Variants in SLIT2 observed in about 807,000 individuals in gnomAD.
SLIT2 encodes slit homolog 2 protein.
Under a neutral mutation model 185.7 loss-of-function variants are expected in SLIT2, and 41 were observed. That is an observed-to-expected ratio of 0.22 (90% CI 0.17 to 0.29). The LOEUF (loss-of-function observed/expected upper bound fraction) is 0.29, where lower values mean the gene tolerates loss of function less well. SLIT2 is among the 10% of genes least tolerant of loss of function. The pLI is 1.00. For missense variants in SLIT2, 1,571 were observed against 1,909.0 expected (o/e 0.82, Z 3.30); for synonymous variants, 693 against 680.2 (o/e 1.02, Z -0.29).
intron 29 of SLIT2, among the ~76,000 whole-genome samples, chr4:20,588,555 C>G (rs1170917904): frequency 6.6e-6 from 1 of 151,964 alleles, no homozygotes; most frequent in Non-Finnish European, 1.5e-5. Context: ...GCATATAAAA[C>G]AATTCAAAAG....
chr4:20,393,414 G>A lies in SLIT2; in HGVS notation c.396-74338G>A, dbSNP rs1725603340. 2.0e-5 allele frequency: 3 copies of A among 152,086 alleles called. No homozygotes were observed. In the South Asian group the frequency reaches 6.2e-4, roughly 31 times the overall value. 9.4% of individuals were successfully genotyped at this position (152,086 alleles called of 1,614,324 possible). ...AGCATTCTCCGAATATGATAATGTG[G>A]TTATCTTCTGACGAGTGCTGGCATT... On this transcript the variant is annotated intron_variant, in intron 4 of 36. Transcript: ENST00000504154.
chr4:20,549,931 A>C (rs1403679660), intron 24 of SLIT2, among the ~76,000 whole-genome samples: 1 of 152,010 alleles, frequency 6.6e-6, no homozygotes, highest in Non-Finnish European at 1.5e-5. Flanking sequence ...TGAACATCCT[A>C]TACATTCCTC....
intron 24 of SLIT2, among the ~76,000 whole-genome samples, chr4:20,549,803 G>A (rs1723581961): frequency 6.6e-6 from 1 of 151,836 alleles, no homozygotes; most frequent in African/African-American, 2.4e-5. Flanking sequence ...TAACTCAACT[G>A]TTTAACTGGT....
At chr4:20,340,969 G>A (rs1048080540) in intron 4 of SLIT2, among the ~76,000 whole-genome samples, 1 of 152,142 alleles carries the variant, frequency 6.6e-6, no homozygotes, top group Non-Finnish European at 1.5e-5. Flanking sequence ...GGAATGAGGA[G>A]GGTAGGGATG....
intron 4 of SLIT2, among the ~76,000 whole-genome samples, chr4:20,359,425 A>G (rs1323758254): frequency 6.6e-6 from 1 of 152,130 alleles, no homozygotes; most frequent in African/African-American, 2.4e-5. Flanking sequence ...CACTTTGTTC[A>G]ATACAGAGAT....
intron 3 of SLIT2, among the ~76,000 whole-genome samples, chr4:20,258,363 T>C (rs1712082859): frequency 6.6e-6 from 1 of 151,806 alleles, no homozygotes; most frequent in African/African-American, 2.4e-5. Context: ...CAGTGACATT[T>C]GATGAAATAT....
At chr4:20,552,449 C>T (rs191520072) in intron 25 of SLIT2, 15 of 150,858 alleles carry the variant, frequency 9.9e-5, no homozygotes, top group Admixed American at 2.6e-4. Context: ...ATGTGCACAA[C>T]GTGCAGGTTT....
intron 9 of SLIT2, among the ~76,000 whole-genome samples, chr4:20,493,214 C>T (rs1447487692): frequency 6.6e-6 from 1 of 152,080 alleles, no homozygotes; most frequent in Non-Finnish European, 1.5e-5. Context: ...ATTAGAATAA[C>T]AGGATAATGT....
chr4:20,355,695 G>C (rs1279303168), intron 4 of SLIT2, among the ~76,000 whole-genome samples: 1 of 152,062 alleles, frequency 6.6e-6, no homozygotes, highest in Non-Finnish European at 1.5e-5. Context: ...ATAATTTTAA[G>C]TAAACCAAAA....
intron 4 of SLIT2, among the ~76,000 whole-genome samples, chr4:20,300,039 A>G (rs577724214): frequency 1.1e-4 from 16 of 152,148 alleles, no homozygotes; most frequent in Non-Finnish European, 1.9e-4. Flanking sequence ...AATATATGGA[A>G]CATTTTAATG....
At chr4:20,503,292 C>T (rs920336094) in intron 9 of SLIT2, among the ~76,000 whole-genome samples, 14 of 152,200 alleles carry the variant, frequency 9.2e-5, no homozygotes, top group Middle Eastern at 3.4e-3. Context: ...ATGAGAACTA[C>T]TGTCTGCTTA....
intron 1 of SLIT2, among the ~76,000 whole-genome samples, chr4:20,256,316 T>TTGGG (rs1553864836): frequency 6.7e-6 from 1 of 149,430 alleles, no homozygotes; most frequent in African/African-American, 2.5e-5. Context: ...ACTTTTTTTT[T>TTGGG]GGGGGGGGTG....
intron 4 of SLIT2, among the ~76,000 whole-genome samples, chr4:20,440,230 A>G (rs1330156782): frequency 6.6e-6 from 1 of 152,224 alleles, no homozygotes; most frequent in Non-Finnish European, 1.5e-5. Context: ...TTGGTACTAC[A>G]CTGTAGGGTT....
chr4:20,338,386 G>A (rs1720682729), intron 4 of SLIT2, among the ~76,000 whole-genome samples: 1 of 152,134 alleles, frequency 6.6e-6, no homozygotes, highest in Admixed American at 6.6e-5. Flanking sequence ...AAGCTGGTGA[G>A]ACAATCTGTC....
intron 4 of SLIT2, among the ~76,000 whole-genome samples, chr4:20,460,123 CA>C (rs1462592962): frequency 6.6e-6 from 1 of 152,038 alleles, no homozygotes; most frequent in Admixed American, 6.6e-5. Context: ...CTCAGCCTCC[CA>C]AAGGCTGAGA....
At chr4:20,328,950 A>G (rs899210957) in intron 4 of SLIT2, among the ~76,000 whole-genome samples, 1 of 152,066 alleles carries the variant, frequency 6.6e-6, no homozygotes, top group African/African-American at 2.4e-5. Flanking sequence ...GAGAAGAGAA[A>G]GGCAGAAGAA....
chr4:20,458,182 A>C (rs1713303334), intron 4 of SLIT2, among the ~76,000 whole-genome samples: 1 of 152,024 alleles, frequency 6.6e-6, no homozygotes, highest in African/African-American at 2.4e-5. Flanking sequence ...AACACCAGTG[A>C]ACTGTACACT....
At position 20,528,860 on chromosome 4, in the gene SLIT2, A is replaced by G; in HGVS notation, c.1463-89A>G. The G allele has an allele frequency of 9.6e-7, 1 of 1,038,284 alleles. No individual in the cohort carries two copies. The highest frequency in any genetic ancestry group is 1.4e-6 in the Non-Finnish European group (1 of 712,304). 64.3% of individuals were successfully genotyped at this position (1,038,284 alleles called of 1,614,324 possible). A position where few individuals can be genotyped will look rare whatever the true frequency, so the allele number is the denominator to read the frequency against. Reference sequence around the variant, plus strand: ...AAGTTGTCTCCCTGCTACATAATCTATAGTTATCTTACTTTTTTCTTCCTA... The same window carrying G: ...AAGTTGTCTCCCTGCTACATAATCTGTAGTTATCTTACTTTTTTCTTCCTA... On this transcript the variant is annotated intron_variant, in intron 15 of 36. Transcript: ENST00000504154. The surrounding 1 kb of genome is among the most constrained non-coding windows in gnomAD (Gnocchi z 4.2).
rs555498393 is a variant in SLIT2, at chr4:20,499,555, T to G, written c.914+7656T>G. The stretch of plus-strand genomic sequence containing the variant: ...TCCAGGCTGGAGTGCAGTGGCACCT[T>G]CTTGGCTTACTGCAAGGTCCGCCTC... On this transcript the variant is annotated intron_variant, in intron 9 of 36. Transcript: ENST00000504154. 6.6e-5 allele frequency among the ~76,000 whole-genome samples: 10 copies of G among 152,306 alleles called. 1 individual carries two copies. In the South Asian group the frequency reaches 1.9e-3, roughly 28 times the overall value.
Sources: allele counts gnomAD v4.1 joint callset (sites outside exome capture counted in the v4.1 genomes callset), GRCh38; gene constraint gnomAD v4.1.1; non-coding constraint Gnocchi (gnomAD v3.1); transcripts MANE v1.5; gene names NCBI Gene and HGNC (gene_info 2026-07-23, HGNC 2026-07-21).